Variants in ILF2 observed in about 807,000 individuals in gnomAD.
The protein encoded by ILF2 is interleukin enhancer binding factor 2, also known as interleukin enhancer-binding factor 2.
Under a neutral mutation model 55.3 loss-of-function variants are expected in ILF2, and 9 were observed. The ratio of observed to expected loss-of-function variants is 0.16; its 90% CI spans 0.10 to 0.28. The LOEUF is 0.28. Among genes scored for constraint, ILF2 ranks in the 10% least tolerant of loss-of-function variants. The pLI, the probability that ILF2 is intolerant of heterozygous loss-of-function variation, is 1.00. For missense variants in ILF2, 266 were observed against 474.9 expected, an observed-to-expected ratio of 0.56 and a Z score of 4.09; for synonymous variants, 151 against 161.8, an observed-to-expected ratio of 0.93 and a Z score of 0.50.
At chr1:153,667,766 C>G in intron 5 of ILF2, 109 bp from the exon 6 acceptor site, 1 of 797,840 alleles carries the variant, frequency 1.3e-6, no homozygotes, top group Non-Finnish European at 2.1e-6. Context: ...TAAGAAGTAG[C>G]AGAGGTGAAA....
At chr1:153,670,324 A>G (rs1669411214) in intron 1 of ILF2, 94 bp from the exon 2 acceptor site, 1 of 1,259,306 alleles carries the variant, frequency 7.9e-7, no homozygotes, top group Non-Finnish European at 1.2e-6. Context: ...GAACCTCCCA[A>G]CGGTAGGCAA....
chr1:153,664,419 G>A lies in ILF2; in HGVS notation c.633C>T (p.Phe211=), dbSNP rs552124279. The part of the protein sequence containing the change: ...ALAAIRHARW[F]EENASQSTVK... ...ACGTGGACTGAGAAGCATTTTCCTCGAACCAGCGGGCATGTCGGATGGCTG... is the reference window on the plus strand; with the variant it reads ...ACGTGGACTGAGAAGCATTTTCCTCAAACCAGCGGGCATGTCGGATGGCTG... The change falls in exon 9 of 14, where the codon TTC becomes TTT. Residue 211 remains phenylalanine (F), a synonymous_variant. Transcript: ENST00000361891. 62 of 1,613,946 alleles carry A rather than the reference G, an allele frequency of 3.8e-5. No homozygotes were observed. In the East Asian group the frequency reaches 1.0e-3, roughly 26 times the overall value.
intron 1 of ILF2, 100 bp from the exon 2 acceptor site, chr1:153,670,330 G>A: frequency 8.7e-7 from 1 of 1,144,914 alleles, no homozygotes. Context: ...CCCAACGGTA[G>A]GCAAGAGACC....
chr1:153,663,820 A>C (rs887171595), intron 10 of ILF2, among the ~76,000 whole-genome samples: 1 of 151,852 alleles, frequency 6.6e-6, no homozygotes, highest in Non-Finnish European at 1.5e-5. Flanking sequence ...AAAAAAAAAA[A>C]AACTTTGAAT....
intron 2 of ILF2, 115 bp from the exon 3 acceptor site, chr1:153,669,993 G>GGGGTCCTGAAAGGACCGGA: frequency 9.0e-7 from 1 of 1,115,558 alleles, no homozygotes; most frequent in South Asian, 1.3e-5. Flanking sequence ...CAAAGTCTCC[G>GGGGTCCTGAAAGGACCGGA]GGGAGGGAAA....
rs12096599 is a variant in ILF2 at position 153,667,254 on chromosome 1, G to A, written c.394+301C>T. On this transcript the variant is annotated intron_variant, in intron 6 of 13. Coordinates refer to ENST00000361891, the MANE Select transcript of ILF2 (RefSeq NM_004515.4). ...GCACTTTGGGAGGCTGAGGTGGGCA[G>A]ATTGCTTGAGCTCAGGAGTTTGAGA... 4.2e-3 allele frequency: 1,929 copies of A among 461,870 alleles called. 28 individuals are homozygous for A. The highest frequency in any genetic ancestry group is 0.029 in the African/African-American group (1,478 of 50,826). The allele number at this position is 461,870 out of a possible 1,614,324, so 28.6% of individuals were successfully genotyped here.
chr1:153,662,416 TTTC>T lies in ILF2; in HGVS notation c.1150_1152del (p.Glu384del), dbSNP rs753001290. On this transcript the variant is annotated inframe_deletion, in exon 14 of 14. Transcript: ENST00000361891. Reference sequence around the variant, plus strand: ...GAATGTCACTCCTGAGTTTCCATGCTTTCTTCTTCCTCTCCTTGAGGTGGTTCT... The same window carrying T: ...GAATGTCACTCCTGAGTTTCCATGCTTTCTTCCTCTCCTTGAGGTGGTTCT... 6.2e-7 allele frequency: 1 copy of T among 1,614,136 alleles called. No homozygotes were observed. The highest frequency in any genetic ancestry group is 8.5e-7 in the Non-Finnish European group (1 of 1,179,972).
Position 153,668,089 on chromosome 1 carries a change from TATGA to T in ILF2, c.214-16_214-13del. The T allele has an allele frequency of 6.4e-7, 1 of 1,555,416 alleles. No homozygotes were observed. Among genetic ancestry groups the T allele is most frequent in the South Asian group, 1.2e-5 (1 of 85,986 alleles). On this transcript the variant is annotated splice_polypyrimidine_tract_variant and intron_variant, in intron 4 of 13. Transcript: ENST00000361891. Reference sequence around the variant, plus strand: ...GAAAGGATAGATGCCTGAAAAACAGTATGAAACAATACTTGAAAATGAAAAATTA... The same window carrying T: ...GAAAGGATAGATGCCTGAAAAACAGTAACAATACTTGAAAATGAAAAATTA...
At position 153,669,828 on chromosome 1, in the gene ILF2, G is replaced by T; in HGVS notation, c.108+8C>A. 3 of 1,607,844 alleles carry T rather than the reference G, an allele frequency of 1.9e-6. No individual in the cohort carries two copies. The highest frequency in any genetic ancestry group is 2.6e-6 in the Non-Finnish European group (3 of 1,174,362). On this transcript the variant is annotated splice_region_variant and intron_variant, in intron 3 of 13. Transcript: ENST00000361891. The stretch of plus-strand genomic sequence containing the variant: ...AGAAAATGTGTATCATTAACCCAAG[G>T]TACTCACCAAATAGAAGTCAAATGG...
rs375368919 is a variant in ILF2, at chr1:153,670,182, G to A, written c.54C>T (p.Gly18=). 6.8e-6 allele frequency: 11 copies of A among 1,613,742 alleles called. No homozygotes were observed. Among genetic ancestry groups the A allele is most frequent in the Non-Finnish European group, 9.3e-6 (11 of 1,179,934 alleles). Residue 18 remains glycine, a synonymous_variant, in exon 2 of 14, where the codon GGC becomes GGT. Coordinates refer to ENST00000361891, the MANE Select transcript of ILF2 (RefSeq NM_004515.4). The stretch of plus-strand genomic sequence containing the variant: ...AAGCTGGTACTCACCCTCCTCCTGG[G>A]CCTCCTCTGGAACCAAAGCGCCCAC... The part of the protein sequence containing the change: ...GRGGRFGSRG[G]PGGGFRPFVP...
intron 6 of ILF2, among the ~76,000 whole-genome samples, chr1:153,665,978 A>T (rs923215774): frequency 2.0e-5 from 3 of 152,170 alleles, no homozygotes; most frequent in African/African-American, 7.2e-5. Flanking sequence ...GTGGCAGTTA[A>T]TAACATTTTG....
chr1:153,662,754 G>C lies in ILF2; in HGVS notation c.963C>G (p.Leu321=). Residue 321 remains leucine, a synonymous_variant, in exon 13 of 14, where the codon CTC becomes CTG. Transcript: ENST00000361891. ...GGATCTTCCTAAAGCCACCATGTGA[G>C]AGGATTCGGACGAGAGTCTGAGCTG... ...CYTAQTLVRI[L]SHGGFRKILG... 1 of 1,614,218 alleles carries C rather than the reference G, an allele frequency of 6.2e-7. No individual in the cohort carries two copies. The highest frequency in any genetic ancestry group is 1.3e-5 in the African/African-American group (1 of 75,060).
chr1:153,665,111 C>T (rs2101713647), intron 8 of ILF2, 109 bp downstream of exon 8: 1 of 711,744 alleles, frequency 1.4e-6, no homozygotes, highest in East Asian at 2.5e-5. Flanking sequence ...TTCTTCAATT[C>T]CCAGGAAGCT....
chr1:153,667,846 C>T (rs1669352158), intron 5 of ILF2, among the ~76,000 whole-genome samples, 154 bp downstream of exon 5: 1 of 152,082 alleles, frequency 6.6e-6, no homozygotes, highest in Admixed American at 6.5e-5. Flanking sequence ...AAGTCTTGTC[C>T]CCAAGATCAG....
chr1:153,666,190 TTTC>T (rs1669301175), intron 6 of ILF2, among the ~76,000 whole-genome samples: 2 of 152,046 alleles, frequency 1.3e-5, no homozygotes, highest in Non-Finnish European at 2.9e-5. Context: ...TTTTTCTTTT[TTTC>T]TTATTTTTGA....
chr1:153,670,874 T>G, intron 1 of ILF2, 44 bp downstream of exon 1: 3 of 1,613,684 alleles, frequency 1.9e-6, no homozygotes, highest in Non-Finnish European at 2.5e-6. Flanking sequence ...CACAAAGTTT[T>G]CCGTCGAATA....
rs780777710 is a variant in ILF2, at chr1:153,667,546, C to G, written c.394+9G>C. ...TTCTGTTCCCATGACCAGAAACAGGCACACTCACACGTTGGCAGAATCTTG... is the reference window on the plus strand; with the variant it reads ...TTCTGTTCCCATGACCAGAAACAGGGACACTCACACGTTGGCAGAATCTTG... On this transcript the variant is annotated intron_variant, in intron 6 of 13. Coordinates refer to ENST00000361891, the MANE Select transcript of ILF2 (RefSeq NM_004515.4). 6 of 1,568,998 alleles carry G rather than the reference C, an allele frequency of 3.8e-6. No individual in the cohort carries two copies. Among genetic ancestry groups the G allele is most frequent in the Non-Finnish European group, 5.3e-6 (6 of 1,138,806 alleles).
At chr1:153,665,406 G>T (rs372007721) in intron 7 of ILF2, 70 bp from the exon 8 acceptor site, 21 of 1,038,748 alleles carry the variant, frequency 2.0e-5, no homozygotes, top group South Asian at 1.9e-4. Flanking sequence ...AATCCAGGGT[G>T]GGGGGGAACA....
At chr1:153,670,005 A>T (rs908083081) in intron 2 of ILF2, 127 bp from the exon 3 acceptor site, 16 of 1,106,926 alleles carry the variant, frequency 1.4e-5, no homozygotes, top group Non-Finnish European at 2.2e-5. Context: ...GGAGGGAAAG[A>T]ATCATTCTTA....
Sources: gnomAD v4.1 joint callset for allele counts (sites outside exome capture counted in the v4.1 genomes callset) on GRCh38, gnomAD v4.1.1 for gene constraint, MANE v1.5 for transcripts, NCBI Gene and HGNC (gene_info 2026-07-23, HGNC 2026-07-21) for gene names.